The following SHISA6 variants were observed in gnomAD, a reference collection of about 807,000 sequenced individuals.
SHISA6 encodes shisa family member 6, also known as protein shisa-6.
Under a neutral mutation model 47.9 loss-of-function variants are expected in SHISA6, and 22 were observed. That is an observed-to-expected ratio of 0.46 (90% CI 0.33 to 0.66). The LOEUF (loss-of-function observed/expected upper bound fraction) is 0.66. SHISA6 is among the 30% of genes least tolerant of loss of function. The pLI is 0.02. For missense variants in SHISA6, 680 were observed against 764.6 expected, an observed-to-expected ratio of 0.89 and a Z score of 1.30; for synonymous variants, 388 against 337.8, an observed-to-expected ratio of 1.15 and a Z score of -1.63.
At chr17:11,546,208 C>A (rs1380078579) in intron 3 of SHISA6, among the ~76,000 whole-genome samples, 1 of 152,082 alleles carries the variant, frequency 6.6e-6, no homozygotes, top group East Asian at 1.9e-4. Flanking sequence ...ACAGAGACAC[C>A]AAAACTCTCT....
chr17:11,422,176 T>C (rs1369355793), intron 3 of SHISA6, among the ~76,000 whole-genome samples: 1 of 152,170 alleles, frequency 6.6e-6, no homozygotes, highest in South Asian at 2.1e-4. Flanking sequence ...GAGCATGTGA[T>C]GAAAGCAAGC....
chr17:11,396,966 C>T (rs1478089129), intron 3 of SHISA6, among the ~76,000 whole-genome samples: 1 of 152,126 alleles, frequency 6.6e-6, no homozygotes, highest in Non-Finnish European at 1.5e-5. Context: ...CCCATATGTA[C>T]AACATAGTGG....
At chr17:11,296,088 C>G (rs1052813467) in intron 2 of SHISA6, among the ~76,000 whole-genome samples, 6 of 151,850 alleles carry the variant, frequency 4.0e-5, no homozygotes, top group Non-Finnish European at 8.8e-5. Context: ...CAGTGTGACT[C>G]CTGCGTAGTG....
intron 3 of SHISA6, among the ~76,000 whole-genome samples, chr17:11,389,112 T>C (rs1913303630): frequency 6.6e-6 from 1 of 152,054 alleles, no homozygotes; most frequent in Admixed American, 6.5e-5. Flanking sequence ...CACTCAAGCA[T>C]GGGACAAGTT....
At chr17:11,387,502 C>G (rs1017394903) in intron 3 of SHISA6, among the ~76,000 whole-genome samples, 1 of 152,036 alleles carries the variant, frequency 6.6e-6, no homozygotes, top group African/African-American at 2.4e-5. Flanking sequence ...ATGGCACCTG[C>G]TATATCTGAC....
intron 3 of SHISA6, among the ~76,000 whole-genome samples, chr17:11,411,220 G>A (rs774010460): frequency 3.9e-5 from 6 of 151,932 alleles, no homozygotes; most frequent in Admixed American, 1.3e-4. Flanking sequence ...TGCCCACCTC[G>A]GCCTCCCAAA....
chr17:11,407,308 G>T (rs752328453), intron 3 of SHISA6, among the ~76,000 whole-genome samples: 66 of 152,124 alleles, frequency 4.3e-4, no homozygotes, highest in Middle Eastern at 3.4e-3. Flanking sequence ...TAGATTAGGA[G>T]CTCCAGGTCT....
At chr17:11,530,553 C>T (rs1291596496) in intron 3 of SHISA6, among the ~76,000 whole-genome samples, 1 of 152,072 alleles carries the variant, frequency 6.6e-6, no homozygotes, top group Non-Finnish European at 1.5e-5. Context: ...TTGTTTTTAG[C>T]GAGGACACAG....
intron 2 of SHISA6, among the ~76,000 whole-genome samples, chr17:11,307,559 C>A (rs1389386298): frequency 6.6e-6 from 1 of 152,170 alleles, no homozygotes; most frequent in Non-Finnish European, 1.5e-5. Context: ...AGGCACATAG[C>A]CACACCTAAC....
intron 2 of SHISA6, among the ~76,000 whole-genome samples, chr17:11,370,640 G>A (rs746125756): frequency 1.1e-4 from 17 of 152,110 alleles, no homozygotes; most frequent in Non-Finnish European, 2.1e-4. Flanking sequence ...TCAAGCTTCC[G>A]TATCTGATGA....
chr17:11,374,220 C>G (rs1912717460), intron 2 of SHISA6, among the ~76,000 whole-genome samples: 1 of 152,062 alleles, frequency 6.6e-6, no homozygotes, highest in Non-Finnish European at 1.5e-5. Flanking sequence ...TTTCTTTTCC[C>G]TATTTTTTTA....
At position 11,347,273 on chromosome 17, in the gene SHISA6, A is replaced by G. The variant is rs545157417; in HGVS notation, c.800-32141A>G. 1.6e-4 allele frequency among the ~76,000 whole-genome samples: 25 copies of G among 152,294 alleles called. No homozygotes were observed. The South Asian group carries it at 4.4e-3, about 27-fold the overall frequency. Reference sequence around the variant, plus strand: ...GACAAGAGGAAAAGAAACAACAACAACAGCAGCAGCACAAGTGATTAAACG... The same window carrying G: ...GACAAGAGGAAAAGAAACAACAACAGCAGCAGCAGCACAAGTGATTAAACG... On this transcript the variant is annotated intron_variant, in intron 2 of 5. Coordinates refer to ENST00000441885, the MANE Select transcript of SHISA6 (RefSeq NM_207386.4).
At chr17:11,379,659 T>G (rs555161083) in intron 3 of SHISA6, 150 bp downstream of exon 3, 7 of 544,720 alleles carry the variant, frequency 1.3e-5, no homozygotes, top group Non-Finnish European at 2.2e-5. Flanking sequence ...CATGCGTGGC[T>G]TCTGACAGGA....
intron 3 of SHISA6, among the ~76,000 whole-genome samples, chr17:11,505,301 C>T (rs186769605): frequency 3.3e-5 from 5 of 152,282 alleles, no homozygotes; most frequent in African/African-American, 1.2e-4. Context: ...ATAAGTTCTT[C>T]CCAGCAGCAT....
intron 2 of SHISA6, among the ~76,000 whole-genome samples, chr17:11,370,035 T>G (rs1912584395): frequency 6.6e-6 from 1 of 152,178 alleles, no homozygotes; most frequent in Admixed American, 6.5e-5. Context: ...TCCAGTTTCC[T>G]CATTAGCAAA....
chr17:11,369,470 G>A (rs573615997), intron 2 of SHISA6, among the ~76,000 whole-genome samples: 4 of 152,306 alleles, frequency 2.6e-5, no homozygotes, highest in South Asian at 4.2e-4. Flanking sequence ...CTCATAGGAC[G>A]CTCAGTGTTT....
chr17:11,406,368 G>A (rs1053187314), intron 3 of SHISA6, among the ~76,000 whole-genome samples: 1 of 152,168 alleles, frequency 6.6e-6, no homozygotes, highest in African/African-American at 2.4e-5. Flanking sequence ...CTTGCACACT[G>A]TGCAGCATTG....
chr17:11,466,917 C>G (rs1394372915), intron 3 of SHISA6, among the ~76,000 whole-genome samples: 3 of 152,172 alleles, frequency 2.0e-5, no homozygotes, highest in South Asian at 2.1e-4. Context: ...GCTCTCTACT[C>G]AGGCCCATCT....
chr17:11,272,662 A>G (rs568053374), intron 2 of SHISA6, among the ~76,000 whole-genome samples: 1 of 152,260 alleles, frequency 6.6e-6, no homozygotes, highest in African/African-American at 2.4e-5. Flanking sequence ...CTCACCTGAC[A>G]ATCTCTAATC....
Sources: allele counts gnomAD v4.1 joint callset (sites outside exome capture counted in the v4.1 genomes callset), GRCh38; gene constraint gnomAD v4.1.1; transcripts MANE v1.5; gene names NCBI Gene and HGNC (gene_info 2026-07-23, HGNC 2026-07-21).